The following ALG12 variants were observed in gnomAD, a reference collection of about 807,000 sequenced individuals.
The protein encoded by ALG12 is dol-P-Man:Man(7)GlcNAc(2)-PP-Dol alpha-1,6-mannosyltransferase.
In ALG12, 36 loss-of-function variants were observed where a neutral mutation model predicts 46.0. That is an observed-to-expected ratio of 0.78 (90% CI 0.60 to 1.03). ALG12 has a LOEUF of 1.03. Among genes scored for constraint, ALG12 ranks in the 50% least tolerant of loss-of-function variants. The pLI is 0.00. For missense variants in ALG12, 599 were observed against 633.5 expected (o/e 0.95, Z 0.58); for synonymous variants, 326 against 291.6 (o/e 1.12, Z -1.20).
the ALG12 span, chr22:49,884,256 C>T: frequency 6.2e-7 from 1 of 1,608,900 alleles, no homozygotes. Flanking sequence ...ACGCGGGTGA[C>T]CTCAGCACCA....
the ALG12 span, among the ~76,000 whole-genome samples, chr22:49,893,475 A>T: frequency 3.9e-5 from 6 of 152,238 alleles, no homozygotes; most frequent in South Asian, 2.1e-4. Context: ...GACTCTCTAA[A>T]ACAAATAGTT....
chr22:49,865,884 A>G, the ALG12 span, among the ~76,000 whole-genome samples: 1 of 132,210 alleles, frequency 7.6e-6, no homozygotes, highest in African/African-American at 3.1e-5. Context: ...TTTTCCCTTT[A>G]ATTTTTTGTA....
At chr22:49,861,519 G>A in the ALG12 span, among the ~76,000 whole-genome samples, 16 of 151,560 alleles carry the variant, frequency 1.1e-4, no homozygotes, top group African/African-American at 3.1e-4. Flanking sequence ...CCGCAGCCTC[G>A]ACCTCACGGG....
At chr22:49,872,296 C>T in the ALG12 span, among the ~76,000 whole-genome samples, 6 of 152,164 alleles carry the variant, frequency 3.9e-5, no homozygotes, top group Admixed American at 3.9e-4. Context: ...TTTGCTCATC[C>T]CTAAGCAGCA....
the ALG12 span, chr22:49,885,518 C>T: frequency 3.9e-5 from 62 of 1,609,056 alleles, no homozygotes; most frequent in African/African-American, 4.0e-4. Flanking sequence ...GTCTCGGAGA[C>T]GGCTCGGCCC....
rs2060508406 is a variant in ALG12 at position 49,901,785 on chromosome 22, T to TG, written c.*2052dup. ...TGCATGGTAATGTGCACGTGTGCAC[T>TG]GTGTGTGGTATGTATGCATGGTGTG... On this transcript the variant is annotated 3_prime_UTR_variant, in exon 10 of 10. Transcript: ENST00000330817. 1 of 72,176 alleles carries TG rather than the reference T, an allele frequency of 1.4e-5. No homozygotes were observed. The highest frequency in any genetic ancestry group is 2.3e-5 in the Non-Finnish European group (1 of 42,888). 4.5% of individuals were successfully genotyped at this position (72,176 alleles called of 1,614,324 possible).
chr22:49,892,564 G>C, the ALG12 span, among the ~76,000 whole-genome samples: 1 of 152,210 alleles, frequency 6.6e-6, no homozygotes, highest in Non-Finnish European at 1.5e-5. Context: ...GCAGCAAAAG[G>C]CTGGAAAGCT....
the ALG12 span, among the ~76,000 whole-genome samples, chr22:49,893,701 A>G: frequency 6.6e-6 from 1 of 152,196 alleles, no homozygotes; most frequent in Non-Finnish European, 1.5e-5. Flanking sequence ...AACAAGGAAT[A>G]CTCCTGAAAG....
Position 49,903,975 on chromosome 22 carries a change from A to G in ALG12, c.1330T>C (p.Tyr444His), listed in dbSNP as rs1245695770. 1.2e-6 allele frequency: 2 copies of G among 1,614,202 alleles called. No individual in the cohort carries two copies. The highest frequency in any genetic ancestry group is 1.7e-6 in the Non-Finnish European group (2 of 1,180,006). The change falls in exon 10 of 10, where the codon TAC (tyrosine) becomes CAC (histidine). Residue 444 changes from tyrosine (Y) to histidine (H), a missense_variant. Physicochemically the swap from Tyr to His is moderately conservative, Grantham distance 83. Transcript: ENST00000330817. ...MEAAPGLLAL[Y>H]RDTHRVLASV... Reference sequence around the variant, plus strand: ...GCCAGGACCCGGTGTGTGTCCCTGTAGAGGGCCAGGAGCCCAGGGGCCGCC... The same window carrying G: ...GCCAGGACCCGGTGTGTGTCCCTGTGGAGGGCCAGGAGCCCAGGGGCCGCC...
chr22:49,863,472 C>G, the ALG12 span, among the ~76,000 whole-genome samples: 1 of 152,012 alleles, frequency 6.6e-6, no homozygotes, highest in Non-Finnish European at 1.5e-5. Flanking sequence ...ACTAAAAATA[C>G]AAAAATTAGC....
At chr22:49,886,942 C>A in the ALG12 span, 1 of 1,613,992 alleles carries the variant, frequency 6.2e-7, no homozygotes, top group Non-Finnish European at 8.5e-7. This position sits in a 1 kb window ranked among gnomAD's most constrained non-coding sequence, Gnocchi z 7.7. Flanking sequence ...GGAGGAGGTG[C>A]TTGAACACAG....
rs2060512846 is a variant in ALG12 at position 49,902,131 on chromosome 22, CACTGTGT to C, written c.*1700_*1706del. 7.6e-6 allele frequency: 1 copy of C among 130,904 alleles called. No homozygotes were observed. The highest frequency in any genetic ancestry group is 2.4e-4 in the South Asian group (1 of 4,150). The allele number at this position is 130,904 out of a possible 1,614,324, so 8.1% of individuals were successfully genotyped here. Reference sequence around the variant, plus strand: ...GTATGCATGGTAATGTGCACGTGTGCACTGTGTGTGGTGTGTATGCATGGTGTGTGCA... The same window carrying C: ...GTATGCATGGTAATGTGCACGTGTGCGTGGTGTGTATGCATGGTGTGTGCA... On this transcript the variant is annotated 3_prime_UTR_variant, in exon 10 of 10. Transcript: ENST00000330817.
Position 49,904,713 on chromosome 22 carries a change from C to T in ALG12, c.993-207G>A, listed in dbSNP as rs76625951. On this transcript the variant is annotated intron_variant, in intron 7 of 9. Transcript: ENST00000330817. ...TGTCTGTGAAATTCTACCCAAGATG[C>T]CAATTTAAAATTTAGATGAGATTTT... is the stretch of plus-strand genomic sequence containing the variant. The T allele has an allele frequency of 1.4e-4, 85 of 597,424 alleles. No homozygotes were observed. In the East Asian group the frequency reaches 1.8e-3, roughly 13 times the overall value. The allele number at this position is 597,424 out of a possible 1,614,324, so 37.0% of individuals were successfully genotyped here.
downstream of ALG12, among the ~76,000 whole-genome samples, chr22:49,898,746 T>G (rs1179538924): frequency 6.6e-6 from 1 of 151,956 alleles, no homozygotes; most frequent in African/African-American, 2.4e-5. Context: ...AAAGACAGTA[T>G]TTTCTTTCTC....
Position 49,910,564 on chromosome 22 carries a change from C to G in ALG12, c.339G>C (p.Thr113=). The stretch of plus-strand genomic sequence containing the variant: ...AGTGCCGTCTCACTTCCTTTTGTAA[C>G]GTCCAGAGTCCAAAAATCACGCCGA... ...LGLGVIFGLW[T]LQKEVRRHFG... Residue 113 remains threonine (T), a synonymous_variant, in exon 4 of 10, where the codon ACG becomes ACC. Coordinates refer to ENST00000330817, the MANE Select transcript of ALG12 (RefSeq NM_024105.4). 6.2e-7 allele frequency: 1 copy of G among 1,614,180 alleles called. No homozygotes were observed. The highest frequency in any genetic ancestry group is 2.2e-5 in the East Asian group (1 of 44,880).
chr22:49,881,922 G>A, the ALG12 span, among the ~76,000 whole-genome samples: 3,214 of 152,238 alleles, frequency 0.021, 118 homozygotes, highest in African/African-American at 0.073. Context: ...ATTTATTTCT[G>A]GTGGGAGCTA....
intron 4 of ALG12, 31 bp downstream of exon 4, chr22:49,910,403 G>A (rs2060569577): frequency 6.2e-7 from 1 of 1,609,356 alleles, no homozygotes. Flanking sequence ...CCGGCACCAT[G>A]GGTGTGCAGG....
rs747030133 is a variant in ALG12, at chr22:49,910,559, T to C, written c.344A>G (p.Gln115Arg). Residue 115 changes from glutamine to arginine, a missense_variant, in exon 4 of 10, where the codon CAA becomes CGA. Physicochemically the swap from Gln to Arg is conservative, Grantham distance 43. Transcript: ENST00000330817. ...CCCGAAGTGCCGTCTCACTTCCTTT[T>C]GTAACGTCCAGAGTCCAAAAATCAC... Reference protein sequence around the residue: ...LGVIFGLWTLQKEVRRHFGAM... With the variant: ...LGVIFGLWTLRKEVRRHFGAM... The C allele has an allele frequency of 6.2e-7, 1 of 1,614,162 alleles. No individual in the cohort carries two copies. The highest frequency in any genetic ancestry group is 2.2e-5 in the East Asian group (1 of 44,878).
At chr22:49,891,214 G>A in the ALG12 span, among the ~76,000 whole-genome samples, 2 of 152,194 alleles carry the variant, frequency 1.3e-5, no homozygotes, top group Admixed American at 1.3e-4. Context: ...TACTGGTAAA[G>A]TCCTGTTCCA....
Sources: allele counts gnomAD v4.1 joint callset (sites outside exome capture counted in the v4.1 genomes callset), GRCh38; gene constraint gnomAD v4.1.1; non-coding constraint Gnocchi (gnomAD v3.1); transcripts MANE v1.5; gene names NCBI Gene and HGNC (gene_info 2026-07-23, HGNC 2026-07-21).